TMCC1: variants seen among roughly 807,000 people sequenced by gnomAD.
TMCC1 encodes the protein transmembrane and coiled-coil domains protein 1.
Under a neutral mutation model 52.4 loss-of-function variants are expected in TMCC1, and 15 were observed. The ratio of observed to expected loss-of-function variants is 0.29; its 90% confidence interval spans 0.19 to 0.44. The LOEUF (loss-of-function observed/expected upper bound fraction) is 0.44, where lower values mean the gene tolerates loss of function less well. Among genes scored for constraint, TMCC1 ranks in the 20% least tolerant of loss-of-function variants. TMCC1 has a pLI of 1.00. For synonymous variants in TMCC1, 279 were observed against 301.9 expected, an observed-to-expected ratio of 0.92 and a Z score of 0.79; for missense variants, 503 against 806.0, an observed-to-expected ratio of 0.62 and a Z score of 4.55.
At chr3:129,678,079 C>T (rs967029302) in intron 4 of TMCC1, among the ~76,000 whole-genome samples, 2 of 151,896 alleles carry the variant, frequency 1.3e-5, no homozygotes, top group Non-Finnish European at 2.9e-5. Context: ...AGGTGTATGC[C>T]ACCACACCTG....
intron 1 of TMCC1, chr3:129,893,062 T>G (rs1367133399): frequency 1.3e-5 from 2 of 152,364 alleles, no homozygotes; most frequent in East Asian, 3.9e-4. Context: ...TGAGTCCTGG[T>G]GGCTAACTTC....
chr3:129,690,650 T>A (rs2046963895), intron 4 of TMCC1, among the ~76,000 whole-genome samples: 1 of 152,164 alleles, frequency 6.6e-6, no homozygotes, highest in Admixed American at 6.6e-5. Flanking sequence ...AGCTCTTTTA[T>A]CCTCTCTTAC....
chr3:129,842,057 A>T (rs567386703), intron 2 of TMCC1, among the ~76,000 whole-genome samples: 3 of 152,370 alleles, frequency 2.0e-5, no homozygotes, highest in African/African-American at 7.2e-5. Flanking sequence ...TATGTACCTT[A>T]AAACAAAGCT....
intron 4 of TMCC1, among the ~76,000 whole-genome samples, chr3:129,809,958 A>G (rs1371020130): frequency 1.3e-5 from 2 of 152,224 alleles, no homozygotes; most frequent in Non-Finnish European, 2.9e-5. Flanking sequence ...ACAAATCCTC[A>G]TAACAATGAA....
At chr3:129,781,970 C>T (rs183641301) in intron 4 of TMCC1, among the ~76,000 whole-genome samples, 154 of 151,982 alleles carry the variant, frequency 1.0e-3, no homozygotes, top group African/African-American at 3.4e-3. Flanking sequence ...AAAGAGGCAT[C>T]GCAGATAACT....
intron 4 of TMCC1, among the ~76,000 whole-genome samples, chr3:129,826,871 AAG>A (rs148080397): frequency 6.6e-6 from 1 of 152,332 alleles, no homozygotes; most frequent in East Asian, 1.9e-4. Flanking sequence ...GTAATGCTGA[AAG>A]ATAGTTGAAT....
At position 129,836,040 on chromosome 3, in the gene TMCC1, A is replaced by T. The variant is rs141692454; in HGVS notation, c.-183-3214T>A. On this transcript the variant is annotated intron_variant, in intron 2 of 6. Transcript: ENST00000393238. The stretch of plus-strand genomic sequence containing the variant: ...AGAAAATAGTTCAAAGTATGGGAAA[A>T]AGTCATACTAACAAACTGAAACACA... Among the ~76,000 whole-genome samples the T allele has an allele frequency of 4.6e-5, 7 of 152,316 alleles. No homozygotes were observed. The East Asian group carries it at 1.3e-3, about 29-fold the overall frequency.
At chr3:129,691,983 T>G (rs1029279872) in intron 4 of TMCC1, among the ~76,000 whole-genome samples, 1 of 152,184 alleles carries the variant, frequency 6.6e-6, no homozygotes, top group Admixed American at 6.5e-5. Context: ...ACTTTAAATA[T>G]GCTAGACAAA....
chr3:129,711,786 C>T (rs62265561), intron 4 of TMCC1, among the ~76,000 whole-genome samples: 2 of 140,620 alleles, frequency 1.4e-5, no homozygotes, highest in Admixed American at 7.3e-5. Context: ...GTCAGGAGTT[C>T]GAGACCAGCC....
chr3:129,754,653 T>G (rs574481800), intron 4 of TMCC1, among the ~76,000 whole-genome samples: 16 of 152,360 alleles, frequency 1.1e-4, no homozygotes, highest in African/African-American at 2.9e-4. Flanking sequence ...AAAATTTGTA[T>G]GTCAATATGT....
chr3:129,829,446 C>A (rs1233889776), intron 3 of TMCC1, among the ~76,000 whole-genome samples: 1 of 15,696 alleles, frequency 6.4e-5, no homozygotes. Flanking sequence ...TTACTAAAAT[C>A]ACATGCAAAA....
rs186497422 is a variant in TMCC1 at position 129,753,962 on chromosome 3, C to A, written c.576+73841G>T. Among the ~76,000 whole-genome samples, 930 of 148,392 alleles carry A rather than the reference C, an allele frequency of 6.3e-3. 8 individuals are homozygous for A. Among genetic ancestry groups the A allele is most frequent in the South Asian group, 0.02 (94 of 4,742 alleles). On this transcript the variant is annotated intron_variant, in intron 4 of 6. Coordinates refer to ENST00000393238, the MANE Select transcript of TMCC1 (RefSeq NM_001017395.5). ...TAAGAATCTACAAAAAAAAAAAAAT[C>A]CCCCAAACAAAAGACCCACTAACAA... is the stretch of plus-strand genomic sequence containing the variant.
intron 4 of TMCC1, among the ~76,000 whole-genome samples, chr3:129,696,250 C>T (rs1183775957): frequency 2.6e-5 from 4 of 152,226 alleles, no homozygotes; most frequent in Non-Finnish European, 5.9e-5. Context: ...TTAACCTGAA[C>T]ATTTCCTTTC....
In TMCC1 at chr3:129,792,482, C is replaced by CT. The variant is rs528187508; in HGVS notation, c.576+35320dup. Among the ~76,000 whole-genome samples, 30 of 152,180 alleles carry CT rather than the reference C, an allele frequency of 2.0e-4. 1 individual carries two copies. In the South Asian group the frequency reaches 6.2e-3, roughly 32 times the overall value. ...CCTGCGTCGTCAGCCTCCCAAGTAG[C>CT]TGGGACCACAGGCACGCACCACCAT... On this transcript the variant is annotated intron_variant, in intron 4 of 6. Coordinates refer to ENST00000393238, the MANE Select transcript of TMCC1 (RefSeq NM_001017395.5).
At chr3:129,869,863 T>C (rs1002197797) in intron 2 of TMCC1, among the ~76,000 whole-genome samples, 4 of 152,214 alleles carry the variant, frequency 2.6e-5, no homozygotes, top group African/African-American at 9.6e-5. Flanking sequence ...CATAAATTAT[T>C]TGCAGTGTAC....
chr3:129,778,920 T>C (rs528666541), intron 4 of TMCC1, among the ~76,000 whole-genome samples: 72 of 152,304 alleles, frequency 4.7e-4, no homozygotes, highest in African/African-American at 1.7e-3. Flanking sequence ...CAGTTCTTTA[T>C]AGTAGCATGA....
At chr3:129,656,644 G>A (rs2086685481) in intron 5 of TMCC1, 1 of 151,800 alleles carries the variant, frequency 6.6e-6, no homozygotes, top group African/African-American at 2.4e-5. Flanking sequence ...TTTTTAAAAG[G>A]CATTGTCTTA....
chr3:129,664,464 C>G (rs2087290731), intron 5 of TMCC1, among the ~76,000 whole-genome samples: 1 of 152,244 alleles, frequency 6.6e-6, no homozygotes, highest in Non-Finnish European at 1.5e-5. Context: ...CTCAGGGTGA[C>G]TGTCTCCTGT....
At chr3:129,750,979 C>T (rs1472857570) in intron 4 of TMCC1, among the ~76,000 whole-genome samples, 3 of 152,018 alleles carry the variant, frequency 2.0e-5, no homozygotes, top group South Asian at 2.1e-4. Flanking sequence ...GCAGGCAGAT[C>T]GCTTGAGCCC....
Sources: gnomAD v4.1 joint callset for allele counts (sites outside exome capture counted in the v4.1 genomes callset) on GRCh38, gnomAD v4.1.1 for gene constraint, MANE v1.5 for transcripts, NCBI Gene and HGNC (gene_info 2026-07-23, HGNC 2026-07-21) for gene names.